The following LRP6 variants were observed in gnomAD, a reference collection of about 807,000 sequenced individuals.
LRP6 encodes low-density lipoprotein receptor-related protein 6.
In LRP6, 43 loss-of-function variants were observed where a neutral mutation model predicts 184.1. The observed-to-expected ratio is 0.23, with a 90% CI of 0.18 to 0.30. The LOEUF is 0.30. Ranked by LOEUF, LRP6 falls within the 10% of genes least tolerant of loss-of-function variation. The pLI is 1.00. For synonymous variants in LRP6, 719 were observed against 684.9 expected, an observed-to-expected ratio of 1.05 and a Z score of -0.78; for missense variants, 1,571 against 2,005.3, an observed-to-expected ratio of 0.78 and a Z score of 4.14.
chr12:12,266,621 T>G (rs868774758), intron 1 of LRP6, 60 bp downstream of exon 1: 26 of 743,432 alleles, frequency 3.5e-5, no homozygotes, highest in East Asian at 1.8e-4. Context: ...CCTAGACACA[T>G]ACAACAAGGC....
At chr12:12,145,983 T>C (rs1183055938) in intron 15 of LRP6, among the ~76,000 whole-genome samples, 1 of 152,190 alleles carries the variant, frequency 6.6e-6, no homozygotes, top group Non-Finnish European at 1.5e-5. Flanking sequence ...GTATACACAG[T>C]GTATATACTA....
chr12:12,216,376 A>G (rs1864343853), intron 2 of LRP6, among the ~76,000 whole-genome samples: 1 of 152,168 alleles, frequency 6.6e-6, no homozygotes, highest in African/African-American at 2.4e-5. Context: ...AATGATAATA[A>G]TATAGCCAAT....
chr12:12,198,528 C>CT (rs1565635020), intron 3 of LRP6, among the ~76,000 whole-genome samples: 1 of 114,396 alleles, frequency 8.7e-6, no homozygotes, highest in African/African-American at 3.2e-5. Context: ...CTGAATTTTT[C>CT]TCTTTTTTTT....
intron 2 of LRP6, among the ~76,000 whole-genome samples, chr12:12,214,782 A>G (rs1322378098): frequency 6.6e-6 from 1 of 152,220 alleles, no homozygotes; most frequent in East Asian, 1.9e-4. Flanking sequence ...GGATAAACAT[A>G]GAAGTTGACC....
intron 2 of LRP6, among the ~76,000 whole-genome samples, chr12:12,217,996 C>T (rs1864392589): frequency 6.6e-6 from 1 of 152,064 alleles, no homozygotes; most frequent in Non-Finnish European, 1.5e-5. Flanking sequence ...ACACTAAAAC[C>T]ACAAGCAACA....
At chr12:12,123,227 T>G (rs1949627732) in intron 22 of LRP6, among the ~76,000 whole-genome samples, 2 of 152,246 alleles carry the variant, frequency 1.3e-5, no homozygotes, top group Admixed American at 1.3e-4. Context: ...TTAGTCAATT[T>G]GAATTAAGGA....
At chr12:12,122,467 T>C (rs533972306) in intron 22 of LRP6, among the ~76,000 whole-genome samples, 1 of 152,246 alleles carries the variant, frequency 6.6e-6, no homozygotes, top group Non-Finnish European at 1.5e-5. Context: ...CCAGGTAATA[T>C]ATCCCAGGAA....
chr12:12,244,767 G>T, intron 1 of LRP6, 112 bp from the exon 2 acceptor site: 1 of 965,448 alleles, frequency 1.0e-6, no homozygotes, highest in Non-Finnish European at 1.5e-6. Context: ...AATAAGAAAA[G>T]AATAAATAAA....
chr12:12,122,834 A>AAAAAAT (rs1168248564), intron 22 of LRP6, among the ~76,000 whole-genome samples: 3 of 151,624 alleles, frequency 2.0e-5, no homozygotes, highest in Non-Finnish European at 4.4e-5. Context: ...CCTGTCTCAA[A>AAAAAAT]AAAAATAAAA....
Position 12,159,151 on chromosome 12 carries a change from G to A in LRP6, c.2469C>T (p.Leu823=), listed in dbSNP as rs112482101. Residue 823 remains leucine (L), a synonymous_variant, in exon 12 of 23, where the codon CTC becomes CTT. Transcript: ENST00000261349. ...AGTCATCTGCTATAACTTCACGGTTGAGCCCTATTTTCAGAAAGGCAGTAG... is the reference window on the plus strand; with the variant it reads ...AGTCATCTGCTATAACTTCACGGTTAAGCCCTATTTTCAGAAAGGCAGTAG... ...NLIESSNMLG[L]NREVIADDLP... The A allele has an allele frequency of 2.5e-6, 4 of 1,613,714 alleles. No homozygotes were observed. The highest frequency in any genetic ancestry group is 1.7e-6 in the Non-Finnish European group (2 of 1,179,728).
intron 2 of LRP6, among the ~76,000 whole-genome samples, chr12:12,231,055 C>T (rs1326114865): frequency 6.6e-6 from 1 of 151,744 alleles, no homozygotes; most frequent in African/African-American, 2.4e-5. Context: ...ATGGCAGGCG[C>T]CTGTAATCCC....
chr12:12,131,882 A>G lies in LRP6; in HGVS notation c.3909T>C (p.Gly1303=), dbSNP rs1279818161. Residue 1303 remains glycine (G), a synonymous_variant, in exon 18 of 23, where the codon GGT becomes GGC. Coordinates refer to ENST00000261349, the MANE Select transcript of LRP6 (RefSeq NM_002336.3). ...FQCASGQCID[G]ALRCNGDANC... The stretch of plus-strand genomic sequence containing the variant: ...TTGCATCTCCATTGCATCGGAGGGC[A>G]CCATCAATACACTGCCCACTGGCAC... 2 of 1,614,240 alleles carry G rather than the reference A, an allele frequency of 1.2e-6. No individual in the cohort carries two copies. Among genetic ancestry groups the G allele is most frequent in the Admixed American group, 1.7e-5 (1 of 60,024 alleles).
intron 2 of LRP6, among the ~76,000 whole-genome samples, chr12:12,235,638 G>C (rs1219187170): frequency 6.6e-6 from 1 of 151,854 alleles, no homozygotes; most frequent in Admixed American, 6.6e-5. Flanking sequence ...GCTGAAGCAG[G>C]AGAATCACTT....
chr12:12,205,884 G>A (rs192024561), intron 2 of LRP6, among the ~76,000 whole-genome samples: 4 of 152,288 alleles, frequency 2.6e-5, no homozygotes, highest in African/African-American at 9.6e-5. Flanking sequence ...GATTAATACA[G>A]GATAAAACTG....
intron 9 of LRP6, among the ~76,000 whole-genome samples, chr12:12,163,752 G>A (rs1266503172): frequency 6.6e-6 from 1 of 152,164 alleles, no homozygotes; most frequent in Non-Finnish European, 1.5e-5. Flanking sequence ...GAAGACTATG[G>A]CTTGCAGATT....
chr12:12,139,157 T>C (rs1205181357), intron 15 of LRP6, among the ~76,000 whole-genome samples: 1 of 152,198 alleles, frequency 6.6e-6, no homozygotes, highest in South Asian at 2.1e-4. Flanking sequence ...ATATACTCAT[T>C]CCTTCTTTTT....
chr12:12,261,089 A>G (rs924614626), intron 1 of LRP6, among the ~76,000 whole-genome samples: 1 of 152,218 alleles, frequency 6.6e-6, no homozygotes, highest in Non-Finnish European at 1.5e-5. Flanking sequence ...CAGCAAATGG[A>G]AAAACTTCCA....
At chr12:12,129,736 A>G (rs542568223) in intron 19 of LRP6, among the ~76,000 whole-genome samples, 2 of 152,116 alleles carry the variant, frequency 1.3e-5, no homozygotes, top group African/African-American at 4.8e-5. Flanking sequence ...TATTTTTAGT[A>G]GAGACGGGGT....
At chr12:12,171,331 A>C (rs184393252) in intron 7 of LRP6, among the ~76,000 whole-genome samples, 1 of 152,148 alleles carries the variant, frequency 6.6e-6, no homozygotes, top group Non-Finnish European at 1.5e-5. Flanking sequence ...CCTGGCTAAC[A>C]TGGTGAAACT....
Sources: gnomAD v4.1 joint callset for allele counts (sites outside exome capture counted in the v4.1 genomes callset) on GRCh38, gnomAD v4.1.1 for gene constraint, MANE v1.5 for transcripts, NCBI Gene and HGNC (gene_info 2026-07-23, HGNC 2026-07-21) for gene names.